The following CNTNAP2 variants were observed in gnomAD, a reference collection of about 807,000 sequenced individuals.
The protein encoded by CNTNAP2 is contactin associated protein 2.
CNTNAP2 carries 98 observed loss-of-function variants against 155.2 expected under a neutral mutation model. That is an observed-to-expected ratio of 0.63 (90% CI 0.54 to 0.75). CNTNAP2 has a LOEUF of 0.75. Ranked by LOEUF, CNTNAP2 falls within the 30% of genes least tolerant of loss-of-function variation. The pLI, the probability that CNTNAP2 is intolerant of heterozygous loss-of-function variation, is 0.00. For missense variants in CNTNAP2, 1,727 were observed against 1,688.1 expected (o/e 1.02, Z -0.40); for synonymous variants, 651 against 631.2 (o/e 1.03, Z -0.47).
intron 1 of CNTNAP2, among the ~76,000 whole-genome samples, chr7:146,594,938 T>C (rs1380298530): frequency 2.0e-5 from 3 of 152,052 alleles, no homozygotes; most frequent in Non-Finnish European, 4.4e-5. Context: ...TAGGAAGAGG[T>C]GTGTAGTGAC....
intron 13 of CNTNAP2, among the ~76,000 whole-genome samples, chr7:147,768,699 G>T (rs1360198368): frequency 6.6e-6 from 1 of 151,974 alleles, no homozygotes; most frequent in African/African-American, 2.4e-5. Context: ...AAACAACTGA[G>T]GCTTCAGGCA....
At chr7:147,988,455 C>T (rs1011748221) in intron 15 of CNTNAP2, among the ~76,000 whole-genome samples, 1 of 152,056 alleles carries the variant, frequency 6.6e-6, no homozygotes, top group Admixed American at 6.6e-5. Context: ...TGATTTTCTT[C>T]CTTGTCTCAT....
At chr7:146,940,981 G>C (rs958605655) in intron 3 of CNTNAP2, among the ~76,000 whole-genome samples, 5 of 151,692 alleles carry the variant, frequency 3.3e-5, no homozygotes, top group African/African-American at 1.2e-4. Flanking sequence ...AGCTATTCTT[G>C]CTCTTTTTTA....
chr7:146,610,263 G>A (rs1799114648), intron 1 of CNTNAP2, among the ~76,000 whole-genome samples: 1 of 152,178 alleles, frequency 6.6e-6, no homozygotes, highest in African/African-American at 2.4e-5. Flanking sequence ...CTAGGAGAGA[G>A]CAGAGCCCTG....
chr7:146,814,519 G>A (rs1803126088), intron 2 of CNTNAP2, among the ~76,000 whole-genome samples: 1 of 152,104 alleles, frequency 6.6e-6, no homozygotes, highest in Non-Finnish European at 1.5e-5. Context: ...AAAAAGAAGT[G>A]CAAACTATAG....
intron 1 of CNTNAP2, among the ~76,000 whole-genome samples, chr7:146,171,644 A>G (rs1410854769): frequency 6.6e-6 from 1 of 151,634 alleles, no homozygotes; most frequent in African/African-American, 2.4e-5. Context: ...ATCATGCATC[A>G]ACACCAGTTT....
chr7:147,650,895 C>A (rs929971363), intron 13 of CNTNAP2, among the ~76,000 whole-genome samples: 1 of 151,992 alleles, frequency 6.6e-6, no homozygotes, highest in Non-Finnish European at 1.5e-5. Flanking sequence ...AAAATCTTAA[C>A]TAGTATGTCC....
At chr7:148,060,167 A>G (rs1185031793) in intron 15 of CNTNAP2, among the ~76,000 whole-genome samples, 2 of 152,234 alleles carry the variant, frequency 1.3e-5, no homozygotes, top group Admixed American at 1.3e-4. Context: ...CTTATTTTGT[A>G]AATACAGCCA....
At chr7:146,123,061 A>G (rs757743069) in intron 1 of CNTNAP2, among the ~76,000 whole-genome samples, 29 of 152,184 alleles carry the variant, frequency 1.9e-4, no homozygotes, top group Non-Finnish European at 2.5e-4. Flanking sequence ...ATTTTTTATG[A>G]CACTGCAGAT....
chr7:148,402,604 A>G (rs1799613630), intron 22 of CNTNAP2, among the ~76,000 whole-genome samples: 1 of 152,266 alleles, frequency 6.6e-6, no homozygotes, highest in Admixed American at 6.5e-5. Flanking sequence ...ATTTTCTGCT[A>G]TATAACTCAG....
At chr7:147,620,278 AACATCTACTAGTATCAAC>A (rs992118261) in intron 12 of CNTNAP2, among the ~76,000 whole-genome samples, 6 of 152,136 alleles carry the variant, frequency 3.9e-5, no homozygotes, top group African/African-American at 1.4e-4. Flanking sequence ...GACATCCAAG[AACATCTACTAGTATCAAC>A]ACCATCCAGG....
At chr7:146,993,420 G>C (rs936054946) in intron 3 of CNTNAP2, among the ~76,000 whole-genome samples, 1 of 152,150 alleles carries the variant, frequency 6.6e-6, no homozygotes. Context: ...CTGCCATTTT[G>C]CTTCTTAAAG....
At chr7:148,050,996 A>G (rs909744286) in intron 15 of CNTNAP2, among the ~76,000 whole-genome samples, 1 of 152,226 alleles carries the variant, frequency 6.6e-6, no homozygotes, top group East Asian at 1.9e-4. Flanking sequence ...AAAATTGCCT[A>G]GAGACACACT....
chr7:146,266,074 G>A (rs534390809), intron 1 of CNTNAP2, among the ~76,000 whole-genome samples: 1 of 152,216 alleles, frequency 6.6e-6, no homozygotes, highest in South Asian at 2.1e-4. Context: ...CAGAGCATAA[G>A]CCATAATCAC....
At chr7:148,286,455 A>G (rs1797084177) in intron 21 of CNTNAP2, among the ~76,000 whole-genome samples, 1 of 152,228 alleles carries the variant, frequency 6.6e-6, no homozygotes, top group Non-Finnish European at 1.5e-5. Flanking sequence ...GGAAGTAGAA[A>G]GGAAAGAAAA....
intron 13 of CNTNAP2, among the ~76,000 whole-genome samples, chr7:147,823,085 C>T (rs1333002987): frequency 2.0e-5 from 3 of 152,180 alleles, no homozygotes; most frequent in African/African-American, 7.2e-5. Flanking sequence ...GACTGATATG[C>T]AAAGTTGTGT....
chr7:146,161,634 C>T (rs761507073), intron 1 of CNTNAP2, among the ~76,000 whole-genome samples: 1 of 152,090 alleles, frequency 6.6e-6, no homozygotes, highest in South Asian at 2.1e-4. Flanking sequence ...GCTACCAATG[C>T]CTTTCTTCAC....
chr7:147,045,607 G>A (rs751041933), intron 4 of CNTNAP2, among the ~76,000 whole-genome samples: 2 of 152,096 alleles, frequency 1.3e-5, no homozygotes, highest in African/African-American at 4.8e-5. Context: ...AGCATTTCTG[G>A]TAAGGCCCAA....
intron 21 of CNTNAP2, among the ~76,000 whole-genome samples, chr7:148,272,172 C>T (rs1231390759): frequency 1.3e-5 from 2 of 152,158 alleles, no homozygotes; most frequent in African/African-American, 2.4e-5. Flanking sequence ...CAACCAACAG[C>T]AAACTTTTAG....
Sources: gnomAD v4.1 joint callset for allele counts (sites outside exome capture counted in the v4.1 genomes callset) on GRCh38, gnomAD v4.1.1 for gene constraint, MANE v1.5 for transcripts, NCBI Gene and HGNC (gene_info 2026-07-23, HGNC 2026-07-21) for gene names.